The following TNIP3 variants were observed in gnomAD, a reference collection of about 807,000 sequenced individuals.
TNIP3 encodes the protein TNFAIP3 interacting protein 3.
A neutral mutation model predicts 54.1 loss-of-function variants in TNIP3; 34 were observed. The ratio of observed to expected loss-of-function variants is 0.63; its 90% CI spans 0.48 to 0.84. TNIP3 has a LOEUF of 0.84. TNIP3 is among the 40% of genes least tolerant of loss of function. The pLI is 0.00. For missense variants in TNIP3, 366 were observed against 387.6 expected (o/e 0.94, Z 0.47); for synonymous variants, 134 against 136.8 (o/e 0.98, Z 0.14).
chr4:121,164,416 C>T (rs1472057224), upstream of TNIP3: 2 of 1,053,854 alleles, frequency 1.9e-6, no homozygotes, highest in Non-Finnish European at 2.4e-6. Flanking sequence ...GTGACTAAGA[C>T]CTGGGGCAGA....
At chr4:121,204,943 A>T (rs1182727988) in intron 2 of TNIP3, among the ~76,000 whole-genome samples, 1 of 152,134 alleles carries the variant, frequency 6.6e-6, no homozygotes, top group East Asian at 1.9e-4. Flanking sequence ...AGTGATATTG[A>T]TCATATTTCA....
chr4:121,226,830 C>T (rs1251489380), intron 1 of TNIP3, among the ~76,000 whole-genome samples: 1 of 152,110 alleles, frequency 6.6e-6, no homozygotes, highest in African/African-American at 2.4e-5. Context: ...TTCAGAAATA[C>T]ATTCTTTTAG....
upstream of TNIP3, among the ~76,000 whole-genome samples, chr4:121,164,806 G>A (rs529893044): frequency 1.3e-5 from 2 of 152,266 alleles, no homozygotes; most frequent in South Asian, 2.1e-4. Flanking sequence ...TGGCAGAAAG[G>A]TTAAACTTGT....
At chr4:121,185,355 C>T (rs372267751) in intron 2 of TNIP3, among the ~76,000 whole-genome samples, 6 of 152,362 alleles carry the variant, frequency 3.9e-5, no homozygotes, top group East Asian at 1.9e-4. Context: ...CACTTTATGG[C>T]GAAAGCCTCT....
exon 2 of TNIP3, chr4:121,216,459 G>C: frequency 6.5e-7 from 1 of 1,535,600 alleles, no homozygotes; most frequent in Non-Finnish European, 8.7e-7. Flanking sequence ...CCAGTTTATC[G>C]TCGTGTTTCT....
chr4:121,163,256 A>G (rs1405480072), intron 1 of TNIP3, among the ~76,000 whole-genome samples: 1 of 152,176 alleles, frequency 6.6e-6, no homozygotes, highest in Non-Finnish European at 1.5e-5. Context: ...ACATTTTGTT[A>G]TAGTTCATAT....
At chr4:121,204,072 CA>C (rs1194216406) in intron 2 of TNIP3, among the ~76,000 whole-genome samples, 3 of 151,728 alleles carry the variant, frequency 2.0e-5, no homozygotes, top group African/African-American at 7.3e-5. Context: ...TCAGTTCATA[CA>C]TATTGCTCTA....
Position 121,164,197 on chromosome 4 carries a change from AG to A in TNIP3, c.-73del. On this transcript the variant is annotated 5_prime_UTR_variant, in exon 1 of 11. Transcript: ENST00000057513. ...GGAAAAGTCTCTTAAGGTATATTTT[AG>A]GGTGAGAGCAAGTATACAAAATTTA... is the stretch of plus-strand genomic sequence containing the variant. 6.2e-6 allele frequency: 10 copies of A among 1,608,718 alleles called. No individual in the cohort carries two copies. The South Asian group carries it at 1.1e-4, about 18-fold the overall frequency.
At chr4:121,190,200 A>G (rs1725232608) in intron 2 of TNIP3, among the ~76,000 whole-genome samples, 1 of 152,192 alleles carries the variant, frequency 6.6e-6, no homozygotes, top group South Asian at 2.1e-4. Context: ...CAGTGTTTTA[A>G]CAGAAGATAT....
At chr4:121,188,920 A>C (rs1725160148) in intron 2 of TNIP3, among the ~76,000 whole-genome samples, 1 of 152,182 alleles carries the variant, frequency 6.6e-6, no homozygotes. Context: ...ATTGAATTTC[A>C]AGTTGACACT....
intron 9 of TNIP3, among the ~76,000 whole-genome samples, chr4:121,139,239 A>G (rs548080428): frequency 4.2e-4 from 64 of 152,290 alleles, no homozygotes; most frequent in African/African-American, 1.1e-3. Flanking sequence ...TATCCTCTAA[A>G]TTGCTCATAT....
chr4:121,142,529 A>G (rs1729181204), intron 8 of TNIP3, among the ~76,000 whole-genome samples, 197 bp downstream of exon 8: 1 of 152,214 alleles, frequency 6.6e-6, no homozygotes, highest in South Asian at 2.1e-4. Context: ...TATAAAGCAT[A>G]TGCTTTCTAT....
intron 2 of TNIP3, among the ~76,000 whole-genome samples, chr4:121,202,018 A>C (rs1579485893): frequency 6.6e-6 from 1 of 152,216 alleles, no homozygotes; most frequent in Non-Finnish European, 1.5e-5. Flanking sequence ...AATTCAAATC[A>C]AAATACTACC....
In TNIP3 at chr4:121,141,872, G is replaced by T; in HGVS notation, c.829C>A (p.Gln277Lys). Reference protein sequence around the residue: ...PCNCGLVFHLQDPWVPTGPGA... With the variant: ...PCNCGLVFHLKDPWVPTGPGA... Reference sequence around the variant, plus strand: ...GGGCCTGTTGGTACCCATGGATCTTGCAGGTGGAAAACCAAGCCGCAGTTA... The same window carrying T: ...GGGCCTGTTGGTACCCATGGATCTTTCAGGTGGAAAACCAAGCCGCAGTTA... Residue 277 changes from glutamine (Q) to lysine (K), a missense_variant, in exon 9 of 11, where the codon CAA (glutamine) becomes AAA (lysine). Coordinates refer to ENST00000057513, the MANE Select transcript of TNIP3 (RefSeq NM_024873.6). 6.2e-7 allele frequency: 1 copy of T among 1,600,132 alleles called. No homozygotes were observed. Among genetic ancestry groups the T allele is most frequent in the Non-Finnish European group, 8.5e-7 (1 of 1,173,398 alleles).
chr4:121,218,540 T>C (rs1201616523), upstream of TNIP3, among the ~76,000 whole-genome samples: 4 of 136,430 alleles, frequency 2.9e-5, no homozygotes, highest in Non-Finnish European at 6.0e-5. Flanking sequence ...CTCCCTCCCT[T>C]CCTTCCTTCC....
intron 6 of TNIP3, among the ~76,000 whole-genome samples, chr4:121,149,509 G>A (rs1446626036): frequency 6.6e-6 from 1 of 152,242 alleles, no homozygotes; most frequent in East Asian, 1.9e-4. Context: ...GCTCACGCCT[G>A]TAATCCCAAC....
At chr4:121,169,811 A>G (rs1167804545) in intron 3 of TNIP3, among the ~76,000 whole-genome samples, 1 of 152,238 alleles carries the variant, frequency 6.6e-6, no homozygotes, top group African/African-American at 2.4e-5. Context: ...ATAGCCTCTT[A>G]GAGGATATTC....
At chr4:121,154,526 C>T (rs773013726) in intron 5 of TNIP3, 25 bp downstream of exon 5, 25 of 1,611,302 alleles carry the variant, frequency 1.6e-5, no homozygotes, top group Non-Finnish European at 2.1e-5. Flanking sequence ...TCATTTTAAT[C>T]TCCCATGCTT....
chr4:121,216,448 A>G, exon 2 of TNIP3: 3 of 1,535,870 alleles, frequency 2.0e-6, no homozygotes, highest in Non-Finnish European at 2.6e-6. Flanking sequence ...GGTGAACATT[A>G]CCAGTTTATC....
Sources: allele counts gnomAD v4.1 joint callset (sites outside exome capture counted in the v4.1 genomes callset), GRCh38; gene constraint gnomAD v4.1.1; transcripts MANE v1.5; gene names NCBI Gene and HGNC (gene_info 2026-07-23, HGNC 2026-07-21).